Variants in MAK observed in about 807,000 individuals in gnomAD.
MAK encodes the protein serine/threonine-protein kinase MAK.
In MAK, 65 loss-of-function variants were observed where a neutral mutation model predicts 82.6. The observed-to-expected ratio is 0.79, with a 90% CI of 0.64 to 0.97. The LOEUF (loss-of-function observed/expected upper bound fraction) is 0.97, where lower values mean the gene tolerates loss of function less well. MAK is among the 50% of genes least tolerant of loss of function. MAK has a pLI of 0.00. For missense variants in MAK, 703 were observed against 780.2 expected (o/e 0.90, Z 1.18); for synonymous variants, 250 against 274.2 (o/e 0.91, Z 0.87).
chr6:10,818,961 T>G, intron 2 of MAK, 21 bp from the exon 3 acceptor site: 1 of 1,410,670 alleles, frequency 7.1e-7, no homozygotes, highest in Non-Finnish European at 1.0e-6. Context: ...TTAGGGAAAG[T>G]TTAGTGTTCA....
intron 10 of MAK, among the ~76,000 whole-genome samples, chr6:10,789,058 A>C (rs1774845981): frequency 1.3e-5 from 2 of 151,760 alleles, no homozygotes; most frequent in South Asian, 4.2e-4. Context: ...ATTTTAATCC[A>C]TGTGTTTTGA....
In MAK at chr6:10,776,623, T is replaced by A. The variant is rs1427717466; in HGVS notation, c.1466-1164A>T. Among the ~76,000 whole-genome samples, 2 of 152,148 alleles carry A rather than the reference T, an allele frequency of 1.3e-5. No individual in the cohort carries two copies. Among genetic ancestry groups the A allele is most frequent in the African/African-American group, 4.8e-5 (2 of 41,430 alleles). The stretch of plus-strand genomic sequence containing the variant: ...CGCGAGCTGGATTCCTTAGAAAGGT[T>A]TCATATGTATGAGATATATAATAAT... On this transcript the variant is annotated intron_variant, in intron 11 of 14. Transcript: ENST00000354489. The surrounding 1 kb of genome is among the most constrained non-coding windows in gnomAD (Gnocchi z 4.3).
chr6:10,771,375 G>C (rs553810905), intron 13 of MAK, among the ~76,000 whole-genome samples: 1 of 152,148 alleles, frequency 6.6e-6, no homozygotes. Flanking sequence ...CAGAGAGCTC[G>C]GATAGGACCA....
intron 10 of MAK, among the ~76,000 whole-genome samples, chr6:10,785,580 G>A (rs1343751845): frequency 6.6e-6 from 1 of 152,230 alleles, no homozygotes; most frequent in Non-Finnish European, 1.5e-5. Flanking sequence ...AGGCACAGGT[G>A]CGTCTGCTTC....
chr6:10,803,574 A>T, intron 7 of MAK, 146 bp downstream of exon 7: 1 of 667,784 alleles, frequency 1.5e-6, no homozygotes, highest in African/African-American at 1.8e-5. Context: ...TAAGAAAATT[A>T]ATCATTAAAG....
intron 1 of MAK, among the ~76,000 whole-genome samples, chr6:10,837,462 G>T (rs1033723955): frequency 6.6e-6 from 1 of 152,208 alleles, no homozygotes; most frequent in Non-Finnish European, 1.5e-5. Flanking sequence ...GCGGTTGGGG[G>T]AACTTTCTCC....
chr6:10,795,732 G>A (rs374770954), intron 9 of MAK, among the ~76,000 whole-genome samples: 56 of 152,218 alleles, frequency 3.7e-4, no homozygotes, highest in Admixed American at 1.0e-3. Flanking sequence ...CAACAAAAGC[G>A]AACCTCCGTC....
chr6:10,823,645 T>G (rs1236438656), intron 2 of MAK, among the ~76,000 whole-genome samples: 1 of 152,188 alleles, frequency 6.6e-6, no homozygotes, highest in Non-Finnish European at 1.5e-5. Flanking sequence ...TTCTCCTGCT[T>G]CAGCCTCCTG....
intron 2 of MAK, among the ~76,000 whole-genome samples, chr6:10,819,603 G>C (rs771306014): frequency 2.2e-4 from 33 of 152,114 alleles, no homozygotes; most frequent in Non-Finnish European, 2.9e-4. Flanking sequence ...CTGCACTCCA[G>C]CCTGGGCGAC....
intron 12 of MAK, 87 bp downstream of exon 12, chr6:10,775,241 T>C: frequency 6.7e-7 from 1 of 1,483,794 alleles, no homozygotes. Flanking sequence ...CACATGTATC[T>C]TGGTTGGAAG....
chr6:10,784,775 A>T lies in MAK; in HGVS notation c.1317-203T>A, dbSNP rs531397575. ...TGGGTCGTGCACAGACTCATTTCTG[A>T]TACCAGTATGTGACAGGAACCTTTA... is the stretch of plus-strand genomic sequence containing the variant. On this transcript the variant is annotated intron_variant, in intron 10 of 14. Coordinates refer to ENST00000354489, the MANE Select transcript of MAK (RefSeq NM_001242957.3). 46 of 477,496 alleles carry T rather than the reference A, an allele frequency of 9.6e-5. No individual in the cohort carries two copies. In the East Asian group the frequency reaches 1.6e-3, roughly 17 times the overall value. 29.6% of individuals were successfully genotyped at this position (477,496 alleles called of 1,614,324 possible).
chr6:10,781,733 A>G (rs1773986385), intron 11 of MAK, among the ~76,000 whole-genome samples: 1 of 152,070 alleles, frequency 6.6e-6, no homozygotes, highest in African/African-American at 2.4e-5. Flanking sequence ...CTCATTAACT[A>G]TTTTAATAAG....
chr6:10,784,662 T>TCG (rs374889861), intron 10 of MAK, 90 bp from the exon 11 acceptor site: 647 of 1,179,352 alleles, frequency 5.5e-4, no homozygotes, highest in Non-Finnish European at 7.1e-4. Context: ...TCTGCACATC[T>TCG]TCCTAAGCCA....
At chr6:10,771,007 G>A (rs573295870) in intron 13 of MAK, among the ~76,000 whole-genome samples, 1 of 151,734 alleles carries the variant, frequency 6.6e-6, no homozygotes, top group African/African-American at 2.4e-5. Context: ...TCAGGTGACT[G>A]GGGGGTGCGT....
intron 2 of MAK, among the ~76,000 whole-genome samples, chr6:10,820,305 T>C (rs1343142014): frequency 2.0e-5 from 3 of 152,090 alleles, no homozygotes; most frequent in Non-Finnish European, 2.9e-5. Flanking sequence ...ATTACAATAA[T>C]CCTTAAGATC....
At chr6:10,771,006 T>TTG (rs1295294438) in intron 13 of MAK, among the ~76,000 whole-genome samples, 1 of 151,312 alleles carries the variant, frequency 6.6e-6, no homozygotes, top group African/African-American at 2.4e-5. Flanking sequence ...CTCAGGTGAC[T>TTG]GGGGGGTGCG....
At chr6:10,779,922 G>C (rs1430908421) in intron 11 of MAK, among the ~76,000 whole-genome samples, 1 of 152,146 alleles carries the variant, frequency 6.6e-6, no homozygotes, top group Non-Finnish European at 1.5e-5. Context: ...CCTGACCTCA[G>C]GTGATCCACC....
At chr6:10,780,090 A>G (rs1411705380) in intron 11 of MAK, 1 of 177,844 alleles carries the variant, frequency 5.6e-6, no homozygotes, top group East Asian at 1.9e-4. Context: ...GCCTGATTCT[A>G]GTTTTAAATT....
At chr6:10,771,103 G>C (rs1458310123) in intron 13 of MAK, among the ~76,000 whole-genome samples, 1 of 152,108 alleles carries the variant, frequency 6.6e-6, no homozygotes, top group Non-Finnish European at 1.5e-5. Context: ...GGCAGGCAGA[G>C]GGCAAGTGGG....
Sources: gnomAD v4.1 joint callset for allele counts (sites outside exome capture counted in the v4.1 genomes callset) on GRCh38, gnomAD v4.1.1 for gene constraint, Gnocchi (gnomAD v3.1) non-coding constraint, MANE v1.5 for transcripts, NCBI Gene and HGNC (gene_info 2026-07-23, HGNC 2026-07-21) for gene names.